Variants in DYNC2LI1 observed in about 807,000 individuals in gnomAD.
The protein encoded by DYNC2LI1 is dynein cytoplasmic 2 light intermediate chain 1, also known as cytoplasmic dynein 2 light intermediate chain 1.
Under a neutral mutation model 51.9 loss-of-function variants are expected in DYNC2LI1, and 45 were observed. The observed-to-expected ratio is 0.87, with a 90% CI of 0.68 to 1.11. DYNC2LI1 has a LOEUF of 1.11. Among genes scored for constraint, DYNC2LI1 ranks in the 50% most tolerant of loss-of-function variants. The probability of loss-of-function intolerance (pLI) is 0.00; values close to 1 mark genes in which losing one functional copy is unlikely to be tolerated. For synonymous variants in DYNC2LI1, 130 were observed against 137.8 expected, an observed-to-expected ratio of 0.94 and a Z score of 0.40; for missense variants, 490 against 417.4, an observed-to-expected ratio of 1.17 and a Z score of -1.51.
chr2:43,813,801 T>C (rs1029773170), downstream of DYNC2LI1, among the ~76,000 whole-genome samples: 8 of 129,956 alleles, frequency 6.2e-5, no homozygotes, highest in African/African-American at 2.3e-4. Flanking sequence ...CACTGCAACC[T>C]CAGCCTCCCA....
chr2:43,813,453 A>T, downstream of DYNC2LI1: 5 of 696,918 alleles, frequency 7.2e-6, no homozygotes, highest in South Asian at 6.2e-5. Flanking sequence ...TTGATGAAGC[A>T]AGAGTGAGCA....
intron 5 of DYNC2LI1, among the ~76,000 whole-genome samples, chr2:43,790,063 G>A (rs1026287757): frequency 5.3e-5 from 8 of 152,272 alleles, no homozygotes; most frequent in African/African-American, 1.4e-4. Flanking sequence ...ATCCATCTCA[G>A]TATGAGTTAA....
chr2:43,789,048 C>T (rs115639551), intron 4 of DYNC2LI1, among the ~76,000 whole-genome samples: 19 of 152,172 alleles, frequency 1.2e-4, no homozygotes, highest in Non-Finnish European at 2.1e-4. Flanking sequence ...CCCCACCTAC[C>T]GTGTATTATT....
At position 43,804,723 on chromosome 2, in the gene DYNC2LI1, A is replaced by G; in HGVS notation, c.884A>G (p.Lys295Arg). 2 of 1,602,826 alleles carry G rather than the reference A, an allele frequency of 1.2e-6. No individual in the cohort carries two copies. Among genetic ancestry groups the G allele is most frequent in the Non-Finnish European group, 1.7e-6 (2 of 1,175,240 alleles). ...GAGTTGTGGAAAAAAGTGTATGAAA[A>G]GCTCTTTCCACCAAAGGTACATATT... Reference protein sequence around the residue: ...PMELWKKVYEKLFPPKSINTL... With the variant: ...PMELWKKVYERLFPPKSINTL... The change falls in exon 11 of 13, where the codon AAG (lysine) becomes AGG (arginine). Residue 295 changes from lysine to arginine, a missense_variant. By Grantham distance (26) the Lys-to-Arg change is conservative. Coordinates refer to ENST00000260605, the MANE Select transcript of DYNC2LI1 (RefSeq NM_016008.4).
At position 43,776,844 on chromosome 2, in the gene DYNC2LI1, G is replaced by A. The variant is rs146438889; in HGVS notation, c.71G>A (p.Gly24Asp). 3.1e-5 allele frequency: 49 copies of A among 1,604,222 alleles called. No individual in the cohort carries two copies. The highest frequency in any genetic ancestry group is 3.3e-4 in the Middle Eastern group (2 of 6,030). The change falls in exon 2 of 13, where the codon GGT (glycine) becomes GAT (aspartate). Residue 24 changes from glycine to aspartate, a missense_variant. Physicochemically the swap from Gly to Asp is moderately conservative, Grantham distance 94. Transcript: ENST00000260605. ...AAAAGGGGAATTAATGGAAGTGAAG[G>A]TGATGGAGCTGAAATTGCAGAAAAA... ...VEKRGINGSE[G>D]DGAEIAEKFV...
the DYNC2LI1 span, chr2:43,820,008 A>G: frequency 6.2e-7 from 1 of 1,614,226 alleles, no homozygotes; most frequent in Non-Finnish European, 8.5e-7. Flanking sequence ...ACCAAGTAGC[A>G]CAAGAGTTAG....
chr2:43,779,120 G>A lies in DYNC2LI1; in HGVS notation c.126+2221G>A, dbSNP rs141328166. 5.4e-4 allele frequency among the ~76,000 whole-genome samples: 82 copies of A among 152,206 alleles called. No homozygotes were observed. The East Asian group carries it at 0.015, about 27-fold the overall frequency. On this transcript the variant is annotated intron_variant, in intron 2 of 12. Transcript: ENST00000260605. The stretch of plus-strand genomic sequence containing the variant: ...AAAAAAATAAAACAATTAGCCGGGT[G>A]TGGTGGCACTCACCTGTATGTAGTC...
At chr2:43,824,194 T>G in the DYNC2LI1 span, 1 of 1,614,086 alleles carries the variant, frequency 6.2e-7, no homozygotes, top group South Asian at 1.1e-5. Flanking sequence ...CTAACAGGCA[T>G]TTCTCACATT....
At position 43,774,073 on chromosome 2, in the gene DYNC2LI1, G is replaced by A; in HGVS notation, c.-66G>A. 6.2e-7 allele frequency: 1 copy of A among 1,604,686 alleles called. No individual in the cohort carries two copies. Among genetic ancestry groups the A allele is most frequent in the Non-Finnish European group, 8.5e-7 (1 of 1,175,450 alleles). Reference sequence around the variant, plus strand: ...CACTCCCAGACTCCTTGCGGAGCTCGCCGCCTGATTCTAGGCTGGTCACTA... The same window carrying A: ...CACTCCCAGACTCCTTGCGGAGCTCACCGCCTGATTCTAGGCTGGTCACTA... On this transcript the variant is annotated 5_prime_UTR_variant, in exon 1 of 13. Coordinates refer to ENST00000260605, the MANE Select transcript of DYNC2LI1 (RefSeq NM_016008.4).
chr2:43,776,665 G>A, intron 1 of DYNC2LI1, 117 bp from the exon 2 acceptor site: 1 of 548,240 alleles, frequency 1.8e-6, no homozygotes, highest in South Asian at 3.0e-5. Context: ...TTGTTCCTCA[G>A]AAAATAATGT....
the DYNC2LI1 span, chr2:43,823,053 G>T: frequency 1.4e-6 from 2 of 1,411,328 alleles, no homozygotes; most frequent in Admixed American, 2.0e-5. Context: ...AGCTAGGGGG[G>T]TTCCCTAGTC....
chr2:43,823,044 G>A, the DYNC2LI1 span: 2 of 1,470,696 alleles, frequency 1.4e-6, no homozygotes, highest in Non-Finnish European at 1.9e-6. Flanking sequence ...GTGAGGACCA[G>A]CTAGGGGGGT....
At chr2:43,810,516 T>C, downstream of DYNC2LI1, 1 of 985,208 alleles carries the variant, frequency 1.0e-6, no homozygotes, top group East Asian at 1.1e-4. Context: ...CTAGCCAAGT[T>C]CATTTTGAGT....
downstream of DYNC2LI1, chr2:43,814,421 G>T (rs1666684877): frequency 2.7e-6 from 3 of 1,122,912 alleles, no homozygotes; most frequent in Non-Finnish European, 4.0e-6. Context: ...TTTCCTCCAA[G>T]AAATTGCTTC....
At chr2:43,802,893 C>T (rs4952680) in intron 10 of DYNC2LI1, among the ~76,000 whole-genome samples, 1 of 151,966 alleles carries the variant, frequency 6.6e-6, no homozygotes, top group Non-Finnish European at 1.5e-5. Flanking sequence ...AGGACATAAA[C>T]ATAGCAAAGC....
chr2:43,825,058 G>C, the DYNC2LI1 span: 1 of 1,608,896 alleles, frequency 6.2e-7, no homozygotes, highest in Non-Finnish European at 8.5e-7. Flanking sequence ...TGATCACAAG[G>C]GTAGCGATGC....
chr2:43,775,037 G>C (rs150410722), intron 1 of DYNC2LI1, among the ~76,000 whole-genome samples: 143 of 119,098 alleles, frequency 1.2e-3, no homozygotes, highest in Admixed American at 5.0e-3. Context: ...CCTGGTTCTT[G>C]AATAGTATAA....
At chr2:43,790,920 A>G (rs1318636209) in intron 5 of DYNC2LI1, among the ~76,000 whole-genome samples, 1 of 152,160 alleles carries the variant, frequency 6.6e-6, no homozygotes, top group Non-Finnish European at 1.5e-5. Flanking sequence ...GTGGTTGAGA[A>G]GAGATGGTGA....
chr2:43,825,990 G>C, the DYNC2LI1 span, among the ~76,000 whole-genome samples: 1 of 149,152 alleles, frequency 6.7e-6, no homozygotes, highest in Non-Finnish European at 1.5e-5. Flanking sequence ...TTGTTTGTTT[G>C]TTTGAGATGA....
Sources: allele counts gnomAD v4.1 joint callset (sites outside exome capture counted in the v4.1 genomes callset), GRCh38; gene constraint gnomAD v4.1.1; transcripts MANE v1.5; gene names NCBI Gene and HGNC (gene_info 2026-07-23, HGNC 2026-07-21).